TRDN: variants seen among roughly 807,000 people sequenced by gnomAD.
TRDN encodes the protein triadin, also known as triadin in skeletal muscle.
In TRDN, 161 loss-of-function variants were observed where a neutral mutation model predicts 149.7. The ratio of observed to expected loss-of-function variants is 1.08; its 90% CI spans 0.95 to 1.23. TRDN has a LOEUF of 1.23. Ranked by LOEUF, TRDN falls within the 50% of genes most tolerant of loss-of-function variation. The probability of loss-of-function intolerance (pLI) is 0.00; values close to 1 mark genes in which losing one functional copy is unlikely to be tolerated. For synonymous variants in TRDN, 294 were observed against 250.5 expected, an observed-to-expected ratio of 1.17 and a Z score of -1.64; for missense variants, 896 against 823.5, an observed-to-expected ratio of 1.09 and a Z score of -1.08.
chr6:123,324,057 C>G (rs536300886), intron 23 of TRDN, among the ~76,000 whole-genome samples: 1 of 152,230 alleles, frequency 6.6e-6, no homozygotes, highest in Admixed American at 6.5e-5. Context: ...GACTTTAAAC[C>G]ATTCAATGAG....
intron 12 of TRDN, among the ~76,000 whole-genome samples, chr6:123,400,167 G>GTATGTGTGTATATATATATA (rs1554232310): frequency 3.2e-4 from 40 of 123,394 alleles, no homozygotes; most frequent in Non-Finnish European, 6.8e-5. Flanking sequence ...ATATGTATGT[G>GTATGTGTGTATATATATATA]TATATATATA....
rs796210329 is a variant in TRDN, at chr6:123,521,522, G to A, written c.485-5316C>T. The stretch of plus-strand genomic sequence containing the variant: ...CCGCAAACCTCCAGAGGCCAGGAGA[G>A]AGGCATGGAACAGATTCTTCGTCAC... On this transcript the variant is annotated intron_variant, in intron 5 of 40. Coordinates refer to ENST00000334268, the MANE Select transcript of TRDN (RefSeq NM_006073.4). Among the ~76,000 whole-genome samples, 14 of 152,228 alleles carry A rather than the reference G, an allele frequency of 9.2e-5. 1 individual carries two copies. Among genetic ancestry groups the A allele is most frequent in the African/African-American group, 3.4e-4 (14 of 41,554 alleles).
chr6:123,394,223 T>G (rs1341641446), intron 12 of TRDN, among the ~76,000 whole-genome samples: 1 of 152,150 alleles, frequency 6.6e-6, no homozygotes, highest in African/African-American at 2.4e-5. Context: ...TCATTATGAA[T>G]CTTTCTTCCC....
At chr6:123,598,624 C>G (rs1784144231) in intron 1 of TRDN, among the ~76,000 whole-genome samples, 1 of 152,184 alleles carries the variant, frequency 6.6e-6, no homozygotes, top group South Asian at 2.1e-4. Context: ...CTTTGCAGGA[C>G]TCAAGTTTAT....
intron 13 of TRDN, among the ~76,000 whole-genome samples, chr6:123,390,688 C>T (rs753053799): frequency 1.1e-4 from 16 of 152,118 alleles, no homozygotes; most frequent in Non-Finnish European, 2.2e-4. Context: ...TTGTGTTCCA[C>T]GTGTCCTACT....
chr6:123,221,803 T>G (rs1775157976), intron 39 of TRDN, among the ~76,000 whole-genome samples: 1 of 151,770 alleles, frequency 6.6e-6, no homozygotes, highest in African/African-American at 2.4e-5. Context: ...AGATATTCAT[T>G]AATGAGGATA....
chr6:123,493,245 A>C (rs1778299211), intron 9 of TRDN, among the ~76,000 whole-genome samples: 1 of 152,154 alleles, frequency 6.6e-6, no homozygotes, highest in African/African-American at 2.4e-5. Flanking sequence ...GTACAAGAGA[A>C]TTTTGATTCA....
intron 24 of TRDN, among the ~76,000 whole-genome samples, chr6:123,288,453 A>T (rs1268005689): frequency 6.6e-6 from 1 of 152,086 alleles, no homozygotes; most frequent in Non-Finnish European, 1.5e-5. Flanking sequence ...CAACCTATGG[A>T]ATGGGAGGTA....
intron 2 of TRDN, among the ~76,000 whole-genome samples, chr6:123,551,251 G>GCTATTTTTAT: frequency 1.7e-5 from 2 of 119,838 alleles, no homozygotes; most frequent in Middle Eastern, 9.2e-3. Context: ...GCCAAAGCAG[G>GCTATTTTTAT]CTATTTTTAT....
chr6:123,616,345 T>C (rs1016092640), intron 1 of TRDN, among the ~76,000 whole-genome samples: 6 of 151,548 alleles, frequency 4.0e-5, no homozygotes, highest in African/African-American at 1.5e-4. Context: ...ACGAAAATTA[T>C]ATCCATAATA....
At chr6:123,307,491 C>G (rs1778657150) in intron 24 of TRDN, among the ~76,000 whole-genome samples, 1 of 152,070 alleles carries the variant, frequency 6.6e-6, no homozygotes, top group Non-Finnish European at 1.5e-5. Context: ...TGACAACAAA[C>G]TCCTCACAAA....
chr6:123,526,330 G>C (rs1285839908), intron 5 of TRDN, among the ~76,000 whole-genome samples: 1 of 151,928 alleles, frequency 6.6e-6, no homozygotes, highest in East Asian at 1.9e-4. Context: ...AGATCAGTGA[G>C]GTCAACCAGC....
At chr6:123,321,634 A>G (rs115344777) in intron 23 of TRDN, among the ~76,000 whole-genome samples, 1,536 of 152,230 alleles carry the variant, frequency 0.01, 26 homozygotes, top group African/African-American at 0.034. Flanking sequence ...GCACACACAC[A>G]CACTCACACT....
At chr6:123,386,942 G>T (rs534910320) in intron 14 of TRDN, among the ~76,000 whole-genome samples, 1 of 152,234 alleles carries the variant, frequency 6.6e-6, no homozygotes, top group East Asian at 1.9e-4. Flanking sequence ...TTTAGGCCTT[G>T]GTCATGACCT....
At chr6:123,499,703 C>CAAAAAA (rs775014014) in intron 8 of TRDN, among the ~76,000 whole-genome samples, 267 of 22,786 alleles carry the variant, frequency 0.012, 41 homozygotes, top group African/African-American at 0.027. Flanking sequence ...GATTCTGGCT[C>CAAAAAA]AAAAAAAAAA....
intron 8 of TRDN, chr6:123,501,843 C>T (rs1490536743): frequency 2.2e-6 from 2 of 915,488 alleles, no homozygotes; most frequent in Admixed American, 6.2e-5. Context: ...TAATATAATG[C>T]TGTCTTTAAT....
In TRDN at chr6:123,624,158, ATCAC is replaced by A. The variant is rs1583340986; in HGVS notation, c.22+12592_22+12595del. Among the ~76,000 whole-genome samples, 3 of 152,254 alleles carry A rather than the reference ATCAC, an allele frequency of 2.0e-5. No individual in the cohort carries two copies. The East Asian group carries it at 5.8e-4, about 29-fold the overall frequency. On this transcript the variant is annotated intron_variant, in intron 1 of 40. Coordinates refer to ENST00000334268, the MANE Select transcript of TRDN (RefSeq NM_006073.4). ...AGTGATGTTTGTTAGGTGCATGCTTATCACTCAGGGGGTCAGACTTTTCATTCCT... is the reference window on the plus strand; with the variant it reads ...AGTGATGTTTGTTAGGTGCATGCTTATCAGGGGGTCAGACTTTTCATTCCT...
chr6:123,279,114 G>T, intron 24 of TRDN, 32 bp from the exon 25 acceptor site: 2 of 1,563,106 alleles, frequency 1.3e-6, no homozygotes, highest in South Asian at 1.1e-5. Flanking sequence ...ATTAAAGGCT[G>T]AGTCATACAA....
At chr6:123,571,506 G>C (rs1782577518) in intron 1 of TRDN, among the ~76,000 whole-genome samples, 1 of 151,870 alleles carries the variant, frequency 6.6e-6, no homozygotes, top group Non-Finnish European at 1.5e-5. Flanking sequence ...TTGTTTGTTT[G>C]TTTGTTTGTT....
Sources: allele counts gnomAD v4.1 joint callset (sites outside exome capture counted in the v4.1 genomes callset), GRCh38; gene constraint gnomAD v4.1.1; transcripts MANE v1.5; gene names NCBI Gene and HGNC (gene_info 2026-07-23, HGNC 2026-07-21).